HDAC9: variants seen among roughly 807,000 people sequenced by gnomAD.
The protein encoded by HDAC9 is MEF-2 interacting transcription repressor (MITR) protein.
In HDAC9, 41 loss-of-function variants were observed where a neutral mutation model predicts 139.4. The ratio of observed to expected loss-of-function variants is 0.29; its 90% CI spans 0.23 to 0.38. HDAC9 has a LOEUF of 0.38. Among genes scored for constraint, HDAC9 ranks in the 10% least tolerant of loss-of-function variants. The pLI is 1.00. For missense variants in HDAC9, 1,147 were observed against 1,297.0 expected, an observed-to-expected ratio of 0.88 and a Z score of 1.78; for synonymous variants, 517 against 476.2, an observed-to-expected ratio of 1.09 and a Z score of -1.12.
chr7:18,438,641 T>TGC (rs200564786), intron 1 of HDAC9, among the ~76,000 whole-genome samples: 1,030 of 58,596 alleles, frequency 0.018, 12 homozygotes, highest in African/African-American at 0.058. Flanking sequence ...ATATGCTGTG[T>TGC]GTGCGTGTGT....
rs1011785566 is a variant in HDAC9 at position 18,996,798 on chromosome 7, T to A, written c.*736T>A. 1 of 152,156 alleles carries A rather than the reference T, an allele frequency of 6.6e-6. No individual in the cohort carries two copies. The highest frequency in any genetic ancestry group is 1.5e-5 in the Non-Finnish European group (1 of 68,040). The allele number at this position is 152,156 out of a possible 1,614,324, so 9.4% of individuals were successfully genotyped here. ...CTTTGTGTTCTCACACACAGGCAATTTGCAATGTTGCAATTGTGTTGGAGA... is the reference window on the plus strand; with the variant it reads ...CTTTGTGTTCTCACACACAGGCAATATGCAATGTTGCAATTGTGTTGGAGA... On this transcript the variant is annotated 3_prime_UTR_variant, in exon 26 of 26. Transcript: ENST00000686413.
chr7:18,348,610 C>G (rs893033376), intron 1 of HDAC9, among the ~76,000 whole-genome samples: 1 of 152,132 alleles, frequency 6.6e-6, no homozygotes, highest in Non-Finnish European at 1.5e-5. Context: ...ATCTGTTGTT[C>G]TGAGCTGTGG....
At chr7:18,685,988 C>A (rs2129093816) in intron 12 of HDAC9, among the ~76,000 whole-genome samples, 1 of 151,998 alleles carries the variant, frequency 6.6e-6, no homozygotes, top group African/African-American at 2.4e-5. Flanking sequence ...TTATGTTTAT[C>A]ATTTAATCAC....
intron 1 of HDAC9, among the ~76,000 whole-genome samples, chr7:18,335,254 T>A (rs1034061734): frequency 6.6e-6 from 1 of 151,540 alleles, no homozygotes; most frequent in Non-Finnish European, 1.5e-5. Context: ...ATACATGTAA[T>A]GCAGGGCACA....
intron 22 of HDAC9, among the ~76,000 whole-genome samples, chr7:18,918,357 G>C (rs1044932457): frequency 1.3e-5 from 2 of 151,214 alleles, no homozygotes; most frequent in Non-Finnish European, 3.0e-5. Context: ...GGGAAAGGGG[G>C]AAATCCAAGA....
At chr7:18,449,464 G>A (rs1792596826) in intron 1 of HDAC9, among the ~76,000 whole-genome samples, 1 of 152,074 alleles carries the variant, frequency 6.6e-6, no homozygotes, top group Non-Finnish European at 1.5e-5. Context: ...TTACTTTGAG[G>A]GTATTAATGA....
intron 24 of HDAC9, among the ~76,000 whole-genome samples, chr7:18,971,491 G>C (rs1181389360): frequency 2.0e-5 from 3 of 152,170 alleles, no homozygotes; most frequent in African/African-American, 7.2e-5. Flanking sequence ...TATGCCAATA[G>C]ATATGACTTT....
upstream of HDAC9, among the ~76,000 whole-genome samples, chr7:18,286,628 A>G (rs1481077737): frequency 6.6e-6 from 1 of 151,850 alleles, no homozygotes; most frequent in East Asian, 1.9e-4. Context: ...AGAGTGAAGG[A>G]TAAGACTGAA....
intron 13 of HDAC9, among the ~76,000 whole-genome samples, chr7:18,735,006 C>A (rs1786753057): frequency 6.6e-6 from 1 of 152,154 alleles, no homozygotes; most frequent in African/African-American, 2.4e-5. Flanking sequence ...AGTATTTTTT[C>A]ATGTATCTGT....
chr7:18,133,637 A>G (rs994945199), intron 1 of HDAC9, among the ~76,000 whole-genome samples: 2 of 152,140 alleles, frequency 1.3e-5, no homozygotes, highest in South Asian at 2.1e-4. Context: ...ACCTTTTTAA[A>G]TGACTTAATG....
chr7:18,412,323 A>G lies in HDAC9; in HGVS notation c.-41-83939A>G, dbSNP rs1302518224. 2.0e-5 allele frequency among the ~76,000 whole-genome samples: 3 copies of G among 152,162 alleles called. No individual in the cohort carries two copies. The East Asian group carries it at 5.8e-4, about 29-fold the overall frequency. On this transcript the variant is annotated intron_variant, in intron 1 of 3. Coordinates refer to the HDAC9 transcript ENST00000413509. Reference sequence around the variant, plus strand: ...GAGTAGATAAATAAACAAACAATATATAGCTCACTGAAAAAACTATAATAA... The same window carrying G: ...GAGTAGATAAATAAACAAACAATATGTAGCTCACTGAAAAAACTATAATAA...
At chr7:18,200,136 C>G (rs1437073623) in intron 2 of HDAC9, among the ~76,000 whole-genome samples, 3 of 152,172 alleles carry the variant, frequency 2.0e-5, no homozygotes, top group African/African-American at 7.2e-5. Flanking sequence ...AATTATCTGT[C>G]TGCTGGAAAT....
At chr7:18,514,170 A>G (rs960602890) in intron 2 of HDAC9, among the ~76,000 whole-genome samples, 2 of 152,220 alleles carry the variant, frequency 1.3e-5, no homozygotes, top group African/African-American at 4.8e-5. Context: ...GTATATGCAT[A>G]TACAATGTAT....
At chr7:18,833,546 A>G (rs1159263456) in intron 19 of HDAC9, among the ~76,000 whole-genome samples, 1 of 152,230 alleles carries the variant, frequency 6.6e-6, no homozygotes. Context: ...CAAACACAAA[A>G]GACATTGTGG....
intron 21 of HDAC9, among the ~76,000 whole-genome samples, chr7:18,864,814 C>A (rs925454057): frequency 6.6e-6 from 1 of 151,732 alleles, no homozygotes; most frequent in African/African-American, 2.4e-5. Flanking sequence ...TGAAAAAGTT[C>A]TGGAGTTGGA....
chr7:18,400,755 G>A lies in HDAC9; in HGVS notation c.-41-95507G>A, dbSNP rs76776098. On this transcript the variant is annotated intron_variant, in intron 1 of 3. Coordinates refer to the HDAC9 transcript ENST00000413509. ...GAGGCAGAGGAACAAGAAAGTAGAT[G>A]TACGATGAAAGCCATGAATCCTGAG... Among the ~76,000 whole-genome samples the A allele has an allele frequency of 1.7e-3, 264 of 152,274 alleles. 5 individuals are homozygous for A. The East Asian group carries it at 0.048, about 28-fold the overall frequency.
intron 1 of HDAC9, among the ~76,000 whole-genome samples, chr7:18,396,229 C>A (rs1787045742): frequency 6.6e-6 from 1 of 151,778 alleles, no homozygotes; most frequent in Non-Finnish European, 1.5e-5. Context: ...GGCACTGGCA[C>A]TGGGAGTAGA....
Position 18,727,734 on chromosome 7 carries a change from C to G in HDAC9, c.1886C>G (p.Pro629Arg). 1.3e-6 allele frequency: 2 copies of G among 1,548,024 alleles called. No homozygotes were observed. Among genetic ancestry groups the G allele is most frequent in the East Asian group, 2.4e-5 (1 of 42,052 alleles). ...TTACCTCACCCAGCAATGGACCGCC[C>G]CCTCCAGCCTGGCTCTGCAACTGGT... ...SVLPHPAMDR[P>R]LQPGSATGIA... is the part of the protein sequence containing the mutation. The change falls in exon 13 of 26, where the codon CCC (proline) becomes CGC (arginine). Residue 629 changes from proline to arginine, a missense_variant. By Grantham distance (103) the Pro-to-Arg change is moderately radical (BLOSUM62 -2). Transcript: ENST00000686413.
intron 2 of HDAC9, among the ~76,000 whole-genome samples, chr7:18,563,186 A>T (rs190906340): frequency 1.3e-5 from 2 of 152,274 alleles, no homozygotes; most frequent in East Asian, 3.9e-4. Flanking sequence ...CTTTAAAATT[A>T]ATTTCAAAAA....
Sources: gnomAD v4.1 joint callset for allele counts (sites outside exome capture counted in the v4.1 genomes callset) on GRCh38, gnomAD v4.1.1 for gene constraint, MANE v1.5 for transcripts, NCBI Gene and HGNC (gene_info 2026-07-23, HGNC 2026-07-21) for gene names.